Variants in GPR39 observed in about 807,000 individuals in gnomAD.
The protein encoded by GPR39 is G protein-coupled receptor 39.
GPR39 carries 23 observed loss-of-function variants against 18.4 expected under a neutral mutation model. The ratio of observed to expected loss-of-function variants is 1.25; its 90% CI spans 0.90 to 1.77. GPR39 has a LOEUF of 1.77. Ranked by LOEUF, GPR39 falls within the 40% of genes most tolerant of loss-of-function variation. GPR39 has a pLI of 0.00. For missense variants in GPR39, 647 were observed against 602.4 expected (o/e 1.07, Z -0.78); for synonymous variants, 280 against 257.9 (o/e 1.09, Z -0.82).
At chr2:132,483,794 C>T (rs1254376942) in intron 1 of GPR39, among the ~76,000 whole-genome samples, 2 of 152,090 alleles carry the variant, frequency 1.3e-5, no homozygotes, top group Non-Finnish European at 2.9e-5. Context: ...ATGTTTGTGG[C>T]ATCTGGAGAC....
rs761009247 is a variant in GPR39, at chr2:132,417,739, G to C, written c.697G>C (p.Val233Leu). ...CTTCGGCGCCTTCGTGGTCTACCTCGTGGTCCTGCTCTCCGTAGCCTTCAT... is the reference window on the plus strand; with the variant it reads ...CTTCGGCGCCTTCGTGGTCTACCTCCTGGTCCTGCTCTCCGTAGCCTTCAT... ...SIFGAFVVYL[V>L]VLLSVAFMCW... Residue 233 changes from valine to leucine, a missense_variant, in exon 1 of 2, where the codon GTG becomes CTG. This residue lies in a region of GPR39 where 581 missense variants were observed against 506.8 expected (regional missense o/e 1.15). Transcript: ENST00000329321. 3.1e-6 allele frequency: 5 copies of C among 1,613,964 alleles called. No individual in the cohort carries two copies. In the African/African-American group the frequency reaches 6.7e-5, roughly 22 times the overall value.
intron 1 of GPR39, among the ~76,000 whole-genome samples, chr2:132,587,679 C>A (rs1680754567): frequency 6.6e-6 from 1 of 152,058 alleles, no homozygotes. Flanking sequence ...GGATTACAGG[C>A]ACCCACCACC....
At chr2:132,434,629 T>C (rs934252597) in intron 1 of GPR39, among the ~76,000 whole-genome samples, 2 of 152,146 alleles carry the variant, frequency 1.3e-5, no homozygotes, top group African/African-American at 4.8e-5. Flanking sequence ...ATGGAAAGGA[T>C]TGTCAGCATT....
chr2:132,561,305 C>T (rs1037883562), intron 1 of GPR39, among the ~76,000 whole-genome samples: 1 of 152,144 alleles, frequency 6.6e-6, no homozygotes, highest in African/African-American at 2.4e-5. Flanking sequence ...GAATCATACC[C>T]CTACCATTTC....
At chr2:132,426,286 C>T (rs1381291203) in intron 1 of GPR39, among the ~76,000 whole-genome samples, 2 of 152,188 alleles carry the variant, frequency 1.3e-5, no homozygotes, top group Non-Finnish European at 2.9e-5. Context: ...CTTTTAAACT[C>T]TCGTTTGGAG....
chr2:132,632,519 A>G (rs574478730), intron 1 of GPR39, among the ~76,000 whole-genome samples: 1 of 152,278 alleles, frequency 6.6e-6, no homozygotes, highest in South Asian at 2.1e-4. Flanking sequence ...CTCCTGAGGT[A>G]TGCTTTCCAG....
chr2:132,429,977 A>G (rs1017720805), intron 1 of GPR39, among the ~76,000 whole-genome samples: 1 of 152,240 alleles, frequency 6.6e-6, no homozygotes, highest in African/African-American at 2.4e-5. Context: ...TAGCTAGGCT[A>G]ATGGATTCAG....
intron 1 of GPR39, among the ~76,000 whole-genome samples, chr2:132,428,946 C>T (rs1680176333): frequency 6.6e-6 from 1 of 152,124 alleles, no homozygotes; most frequent in African/African-American, 2.4e-5. Context: ...CGGGGTTTCC[C>T]CTTTCTCATG....
chr2:132,432,023 T>C (rs1459231863), intron 1 of GPR39, among the ~76,000 whole-genome samples: 1 of 152,200 alleles, frequency 6.6e-6, no homozygotes, highest in Non-Finnish European at 1.5e-5. Context: ...CCTTGGCTTG[T>C]GGTTGTGTTA....
At chr2:132,608,967 G>T (rs770703528) in intron 1 of GPR39, among the ~76,000 whole-genome samples, 7 of 152,172 alleles carry the variant, frequency 4.6e-5, no homozygotes, top group Non-Finnish European at 1.5e-5. Context: ...AAATGGGCCT[G>T]CAAAATAAAG....
intron 1 of GPR39, among the ~76,000 whole-genome samples, chr2:132,525,853 C>A (rs1004517325): frequency 6.6e-6 from 1 of 152,118 alleles, no homozygotes; most frequent in Non-Finnish European, 1.5e-5. Context: ...ATGGGGAGAG[C>A]TGCTGGGGCC....
chr2:132,474,464 G>A (rs1376972077), intron 1 of GPR39, among the ~76,000 whole-genome samples: 2 of 152,196 alleles, frequency 1.3e-5, no homozygotes, highest in African/African-American at 2.4e-5. Flanking sequence ...CTTTGGGTCT[G>A]TGAGCTGACT....
intron 1 of GPR39, among the ~76,000 whole-genome samples, chr2:132,580,347 G>A (rs777730350): frequency 1.4e-4 from 22 of 152,192 alleles, no homozygotes; most frequent in Non-Finnish European, 2.5e-4. Flanking sequence ...ACCATTTCCC[G>A]TTTTCCTTTC....
At chr2:132,463,683 C>G (rs1325475478) in intron 1 of GPR39, among the ~76,000 whole-genome samples, 1 of 152,040 alleles carries the variant, frequency 6.6e-6, no homozygotes, top group Non-Finnish European at 1.5e-5. Context: ...AAAACAAGCC[C>G]CAGTGTTATT....
At chr2:132,507,001 A>C (rs1430088666) in intron 1 of GPR39, among the ~76,000 whole-genome samples, 2 of 151,766 alleles carry the variant, frequency 1.3e-5, no homozygotes, top group Non-Finnish European at 2.9e-5. Flanking sequence ...TTCTCTTCTG[A>C]TAAAGCCACC....
intron 1 of GPR39, among the ~76,000 whole-genome samples, chr2:132,535,017 G>A (rs904245312): frequency 6.6e-6 from 1 of 151,656 alleles, no homozygotes; most frequent in South Asian, 2.1e-4. Flanking sequence ...CATGTCATCT[G>A]CAAACGGAGA....
rs141764406 is a variant in GPR39 at position 132,468,740 on chromosome 2, G to A, written c.856+50842G>A. Reference sequence around the variant, plus strand: ...GTGGTTACAGATGGAAGGTGGGGCAGGGCAGGTCTCTGTCTGGCAGTCACT... The same window carrying A: ...GTGGTTACAGATGGAAGGTGGGGCAAGGCAGGTCTCTGTCTGGCAGTCACT... On this transcript the variant is annotated intron_variant, in intron 1 of 1. Coordinates refer to ENST00000329321, the MANE Select transcript of GPR39 (RefSeq NM_001508.3). Among the ~76,000 whole-genome samples, 566 of 152,284 alleles carry A rather than the reference G, an allele frequency of 3.7e-3. 6 individuals carry two copies. Among genetic ancestry groups the A allele is most frequent in the East Asian group, 0.014 (73 of 5,182 alleles).
chr2:132,489,583 A>G (rs950766115), intron 1 of GPR39, among the ~76,000 whole-genome samples: 1 of 151,994 alleles, frequency 6.6e-6, no homozygotes, highest in East Asian at 1.9e-4. Flanking sequence ...GGCTGCAGGT[A>G]CCGGGTAAGG....
chr2:132,566,329 A>G (rs1680349675), intron 1 of GPR39, among the ~76,000 whole-genome samples: 1 of 149,012 alleles, frequency 6.7e-6, no homozygotes. Context: ...AGGTTGCAAA[A>G]ATTTTCTCCC....
Sources: gnomAD v4.1 joint callset for allele counts (sites outside exome capture counted in the v4.1 genomes callset) on GRCh38, gnomAD v4.1.1 for gene constraint, gnomAD v4.1.1 regional missense constraint, MANE v1.5 for transcripts, NCBI Gene and HGNC (gene_info 2026-07-23, HGNC 2026-07-21) for gene names.